Variants in HTR4 observed in about 807,000 individuals in gnomAD.
HTR4 encodes the protein 5-hydroxytryptamine receptor 4, also known as 5-hydroxytryptamine (serotonin) receptor 4, G protein-coupled.
Under a neutral mutation model 36.8 loss-of-function variants are expected in HTR4, and 16 were observed. That is an observed-to-expected ratio of 0.43 (90% confidence interval 0.29 to 0.66). The LOEUF (loss-of-function observed/expected upper bound fraction) is 0.66, where lower values mean the gene tolerates loss of function less well. Among genes scored for constraint, HTR4 ranks in the 30% least tolerant of loss-of-function variants. HTR4 has a pLI of 0.13. For synonymous variants in HTR4, 189 were observed against 185.1 expected (o/e 1.02, Z -0.17); for missense variants, 438 against 490.9 (o/e 0.89, Z 1.02).
intron 4 of HTR4, among the ~76,000 whole-genome samples, chr5:148,532,853 C>A (rs142809579): frequency 8.4e-4 from 128 of 152,276 alleles, no homozygotes; most frequent in African/African-American, 3.0e-3. Context: ...TTTGTTGAAA[C>A]ACAGATTGCT....
intron 6 of HTR4, among the ~76,000 whole-genome samples, chr5:148,488,846 C>G (rs958136181): frequency 6.6e-6 from 1 of 152,142 alleles, no homozygotes; most frequent in African/African-American, 2.4e-5. Flanking sequence ...AATCTCATCA[C>G]CAGTCTCAGA....
chr5:148,552,742 TTTG>T (rs1759760750), intron 2 of HTR4, among the ~76,000 whole-genome samples: 1 of 152,220 alleles, frequency 6.6e-6, no homozygotes, highest in African/African-American at 2.4e-5. Flanking sequence ...CAGATTGACT[TTTG>T]TTATCTTTTT....
At chr5:148,516,312 C>CTTTTTTTTTTTTTTTTTTTT in intron 5 of HTR4, among the ~76,000 whole-genome samples, 1 of 76,496 alleles carries the variant, frequency 1.3e-5, no homozygotes, top group Non-Finnish European at 2.4e-5. Context: ...ATTCCCCCCT[C>CTTTTTTTTTTTTTTTTTTTT]TTTTTTTTTT....
intron 6 of HTR4, chr5:148,484,416 T>A: frequency 1.3e-6 from 2 of 1,584,818 alleles, no homozygotes; most frequent in Non-Finnish European, 1.7e-6. Flanking sequence ...TGAATTATTA[T>A]ACAACAGTGA....
intron 2 of HTR4, among the ~76,000 whole-genome samples, chr5:148,631,262 T>C (rs937714907): frequency 3.3e-5 from 5 of 152,178 alleles, no homozygotes; most frequent in African/African-American, 1.2e-4. Flanking sequence ...GCAGTGAAGT[T>C]GAGTATTATT....
At position 148,554,502 on chromosome 5, in the gene HTR4, A is replaced by G. The variant is rs191912905; in HGVS notation, c.27-4240T>C. ...GATTCCACTTACATGAGGATTCTAG[A>G]CTCAGAAAATTCATAGGGAAATTAA... is the stretch of plus-strand genomic sequence containing the variant. On this transcript the variant is annotated intron_variant, in intron 2 of 6. Transcript: ENST00000377888. Among the ~76,000 whole-genome samples, 249 of 152,318 alleles carry G rather than the reference A, an allele frequency of 1.6e-3. 2 individuals carry two copies. Among genetic ancestry groups the G allele is most frequent in the South Asian group, 0.013 (64 of 4,824 alleles).
Position 148,555,589 on chromosome 5 carries a change from C to T in HTR4, c.27-5327G>A, listed in dbSNP as rs117429526. ...TGTTAGGTCCTTGGGTTGCCTCTGA[C>T]ACCCTCAAGCAATCCTGTCAACCAC... On this transcript the variant is annotated intron_variant, in intron 2 of 6. Coordinates refer to ENST00000377888, the MANE Select transcript of HTR4 (RefSeq NM_000870.7). Among the ~76,000 whole-genome samples the T allele has an allele frequency of 1.9e-3, 291 of 152,342 alleles. 8 individuals are homozygous for T. The East Asian group carries it at 0.031, about 16-fold the overall frequency.
At chr5:148,467,983 C>A (rs1755471147) in intron 5 of HTR4, among the ~76,000 whole-genome samples, 1 of 152,204 alleles carries the variant, frequency 6.6e-6, no homozygotes, top group South Asian at 2.1e-4. Context: ...CTTTAAATGA[C>A]CATGGCACAG....
chr5:148,576,250 A>G (rs1456325286), intron 2 of HTR4, among the ~76,000 whole-genome samples: 1 of 151,950 alleles, frequency 6.6e-6, no homozygotes, highest in Non-Finnish European at 1.5e-5. Context: ...AATACCAGGA[A>G]TATTACTTAC....
At chr5:148,488,037 T>A (rs567582335) in intron 6 of HTR4, among the ~76,000 whole-genome samples, 218 of 152,308 alleles carry the variant, frequency 1.4e-3, no homozygotes, top group Non-Finnish European at 2.7e-3. Context: ...TGATGAGAAA[T>A]AGAATTCTTG....
At chr5:148,556,762 G>A (rs1028501525) in intron 2 of HTR4, among the ~76,000 whole-genome samples, 8 of 152,158 alleles carry the variant, frequency 5.3e-5, no homozygotes, top group Non-Finnish European at 1.0e-4. Context: ...CCTAGGCATT[G>A]CTGATGCTGC....
In HTR4 at chr5:148,482,425, C is replaced by T. The variant is rs1755931871; in HGVS notation, c.*778G>A. On this transcript the variant is annotated 3_prime_UTR_variant, in exon 7 of 7. Transcript: ENST00000377888. ...CATCTCAGGGCAGACACGCCAGCGG[C>T]CAGGACACCAGGAGGAAGCTATCTG... 5.1e-6 allele frequency: 5 copies of T among 985,628 alleles called. No homozygotes were observed. Among genetic ancestry groups the T allele is most frequent in the Non-Finnish European group, 6.0e-6 (5 of 830,128 alleles). The allele number at this position is 985,628 out of a possible 1,614,324, so 61.1% of individuals were successfully genotyped here.
rs182486822 is a variant in HTR4, at chr5:148,635,941, A to G, written c.26+1048T>C. On this transcript the variant is annotated intron_variant, in intron 2 of 6. Coordinates refer to ENST00000377888, the MANE Select transcript of HTR4 (RefSeq NM_000870.7). The stretch of plus-strand genomic sequence containing the variant: ...TGTAAAATGTTTTATTGCTAAAAAT[A>G]CAGTCTCTTTGTATATCTATATGTA... 4.7e-3 allele frequency among the ~76,000 whole-genome samples: 715 copies of G among 152,328 alleles called. 8 individuals carry two copies. Among genetic ancestry groups the G allele is most frequent in the African/African-American group, 0.016 (669 of 41,588 alleles).
intron 6 of HTR4, chr5:148,484,155 A>G: frequency 8.0e-7 from 1 of 1,255,710 alleles, no homozygotes; most frequent in Non-Finnish European, 1.1e-6. Flanking sequence ...TAGGAAGATC[A>G]AATAATCTAC....
chr5:148,498,784 CT>C lies in HTR4; in HGVS notation c.1076+10671del, dbSNP rs1228938366. 3.3e-5 allele frequency among the ~76,000 whole-genome samples: 5 copies of C among 152,154 alleles called. No individual in the cohort carries two copies. In the East Asian group the frequency reaches 9.7e-4, roughly 29 times the overall value. ...GAGATGAACTTCTTTTAAATTGATTCTTTGTTTGAATAATCAACGGGTACCC... is the reference window on the plus strand; with the variant it reads ...GAGATGAACTTCTTTTAAATTGATTCTTGTTTGAATAATCAACGGGTACCC... On this transcript the variant is annotated intron_variant, in intron 6 of 6. Transcript: ENST00000377888.
In HTR4 at chr5:148,641,003, GT is replaced by G. The variant is rs562530635; in HGVS notation, c.-47-3943del. Among the ~76,000 whole-genome samples the G allele has an allele frequency of 4.6e-5, 7 of 152,142 alleles. No individual in the cohort carries two copies. In the South Asian group the frequency reaches 1.5e-3, roughly 32 times the overall value. ...AGAGAAAGGAACAGAGGAAGGAGGA[GT>G]TGATGATTAGTACCTATCCTAATTT... On this transcript the variant is annotated intron_variant, in intron 1 of 6. Coordinates refer to ENST00000377888, the MANE Select transcript of HTR4 (RefSeq NM_000870.7).
chr5:148,523,169 A>C, intron 5 of HTR4, 24 bp downstream of exon 5: 1 of 1,601,094 alleles, frequency 6.2e-7, no homozygotes, highest in Non-Finnish European at 8.5e-7. Context: ...ACAGTAAACC[A>C]GTGAGGTCTG....
At chr5:148,592,792 TC>T (rs1386258731) in intron 2 of HTR4, among the ~76,000 whole-genome samples, 1 of 152,106 alleles carries the variant, frequency 6.6e-6, no homozygotes, top group Non-Finnish European at 1.5e-5. Flanking sequence ...GTGCCCTATG[TC>T]CTTTAAAATT....
At chr5:148,505,867 T>C (rs1016948038) in intron 6 of HTR4, among the ~76,000 whole-genome samples, 23 of 151,960 alleles carry the variant, frequency 1.5e-4, no homozygotes, top group African/African-American at 5.1e-4. Flanking sequence ...CTCAACGAAA[T>C]AAAAGAGGAC....
Sources: allele counts gnomAD v4.1 joint callset (sites outside exome capture counted in the v4.1 genomes callset), GRCh38; gene constraint gnomAD v4.1.1; transcripts MANE v1.5; gene names NCBI Gene and HGNC (gene_info 2026-07-23, HGNC 2026-07-21).